DPH6: variants seen among roughly 807,000 people sequenced by gnomAD.
DPH6 encodes diphthine--ammonia ligase.
DPH6 carries 33 observed loss-of-function variants against 38.2 expected under a neutral mutation model. The ratio of observed to expected loss-of-function variants is 0.86; its 90% confidence interval spans 0.65 to 1.15. The LOEUF is 1.15. Ranked by LOEUF, DPH6 falls within the 50% of genes most tolerant of loss-of-function variation. The pLI, the probability that DPH6 is intolerant of heterozygous loss-of-function variation, is 0.00. For synonymous variants in DPH6, 108 were observed against 103.0 expected (o/e 1.05, Z -0.30); for missense variants, 325 against 320.0 (o/e 1.02, Z -0.12).
At chr15:35,254,261 G>A (rs1227673592) in intron 3 of DPH6, among the ~76,000 whole-genome samples, 2 of 152,184 alleles carry the variant, frequency 1.3e-5, no homozygotes, top group Non-Finnish European at 2.9e-5. Context: ...TCAATGGCCT[G>A]TCCCTGAATA....
At chr15:35,273,907 T>G (rs1463874214) in intron 3 of DPH6, among the ~76,000 whole-genome samples, 1 of 152,100 alleles carries the variant, frequency 6.6e-6, no homozygotes, top group Non-Finnish European at 1.5e-5. Context: ...AAAAACTACT[T>G]TAAATTTCAT....
chr15:35,274,268 A>G (rs1051846331), intron 3 of DPH6, among the ~76,000 whole-genome samples: 4 of 152,244 alleles, frequency 2.6e-5, no homozygotes, highest in Non-Finnish European at 5.9e-5. Context: ...TGGATTAAAG[A>G]CTTAAGTGTA....
At chr15:35,302,989 G>C (rs1474440427) in intron 3 of DPH6, among the ~76,000 whole-genome samples, 1 of 152,026 alleles carries the variant, frequency 6.6e-6, no homozygotes, top group African/African-American at 2.4e-5. Flanking sequence ...AAGTGGTCAA[G>C]AAAAACTAGA....
At chr15:35,247,533 T>G (rs2140406476) in intron 3 of DPH6, among the ~76,000 whole-genome samples, 1 of 152,306 alleles carries the variant, frequency 6.6e-6, no homozygotes, top group South Asian at 2.1e-4. Flanking sequence ...ATTTCTTTAC[T>G]TACTGAAAGT....
chr15:35,182,030 A>T, the DPH6 span, among the ~76,000 whole-genome samples: 1 of 152,088 alleles, frequency 6.6e-6, no homozygotes, highest in Non-Finnish European at 1.5e-5. Flanking sequence ...GTGTCACAAT[A>T]AAGTAATACT....
At chr15:35,415,155 T>C (rs1389570399) in intron 5 of DPH6, among the ~76,000 whole-genome samples, 3 of 151,992 alleles carry the variant, frequency 2.0e-5, no homozygotes, top group East Asian at 3.9e-4. Flanking sequence ...TATTCATCTA[T>C]GACTGCCATG....
chr15:35,246,215 C>T (rs2051637061), intron 3 of DPH6, among the ~76,000 whole-genome samples: 1 of 152,226 alleles, frequency 6.6e-6, no homozygotes, highest in Admixed American at 6.5e-5. Context: ...TTACTGCTCA[C>T]ACAAAGCGTG....
chr15:35,249,583 T>C (rs1254445116), intron 3 of DPH6, among the ~76,000 whole-genome samples: 1 of 152,204 alleles, frequency 6.6e-6, no homozygotes, highest in Non-Finnish European at 1.5e-5. Flanking sequence ...ACAGTCTTTA[T>C]ATTGAGAGAC....
chr15:35,410,761 A>C, intron 6 of DPH6, 74 bp downstream of exon 6: 1 of 1,243,786 alleles, frequency 8.0e-7, no homozygotes, highest in Non-Finnish European at 1.1e-6. Flanking sequence ...TAAATTTTTT[A>C]ATCATTGTAT....
intron 3 of DPH6, among the ~76,000 whole-genome samples, chr15:35,304,462 G>C (rs1421516373): frequency 1.3e-5 from 2 of 152,068 alleles, no homozygotes; most frequent in East Asian, 3.8e-4. Context: ...GCAAAGAGAA[G>C]TCCTAAGCTG....
At chr15:35,259,958 A>T (rs2051735277) in intron 3 of DPH6, among the ~76,000 whole-genome samples, 1 of 152,184 alleles carries the variant, frequency 6.6e-6, no homozygotes, top group Admixed American at 6.5e-5. Flanking sequence ...GACCTACATA[A>T]AGCAAGTGCA....
chr15:35,372,469 T>A (rs974473603), intron 8 of DPH6: 2 of 264,820 alleles, frequency 7.6e-6, no homozygotes, highest in Non-Finnish European at 1.4e-5. Context: ...TTTGACTTTG[T>A]GTGTGCGTAC....
the DPH6 span, among the ~76,000 whole-genome samples, chr15:35,212,160 G>A: frequency 6.6e-6 from 1 of 152,308 alleles, no homozygotes; most frequent in Non-Finnish European, 1.5e-5. Context: ...GGTACAGCTT[G>A]GAGATATGAG....
At chr15:35,509,659 A>G (rs1253245601) in intron 3 of DPH6, among the ~76,000 whole-genome samples, 2 of 152,236 alleles carry the variant, frequency 1.3e-5, no homozygotes, top group Admixed American at 6.5e-5. Flanking sequence ...GATTGGAAAT[A>G]TAACTTAAAT....
intron 3 of DPH6, among the ~76,000 whole-genome samples, chr15:35,514,166 A>T (rs1459351696): frequency 6.6e-6 from 1 of 151,848 alleles, no homozygotes; most frequent in African/African-American, 2.4e-5. Flanking sequence ...TTGGCACCTT[A>T]TAACTATGTA....
At chr15:35,492,371 T>C (rs2141175411) in intron 3 of DPH6, among the ~76,000 whole-genome samples, 1 of 152,288 alleles carries the variant, frequency 6.6e-6, no homozygotes, top group Non-Finnish European at 1.5e-5. Flanking sequence ...TAAAGGAAGA[T>C]TATTCATTTA....
At chr15:35,452,720 G>T (rs1461671602) in intron 4 of DPH6, among the ~76,000 whole-genome samples, 1 of 152,064 alleles carries the variant, frequency 6.6e-6, no homozygotes, top group East Asian at 1.9e-4. Flanking sequence ...AATACAAAAA[G>T]AATAAAATGT....
intron 6 of DPH6, among the ~76,000 whole-genome samples, chr15:35,403,682 A>G (rs565174019): frequency 1.3e-5 from 2 of 151,778 alleles, no homozygotes; most frequent in Non-Finnish European, 2.9e-5. Flanking sequence ...TAGTTTTTTC[A>G]TATTTTTTGT....
At chr15:35,413,056 T>C (rs1367853124) in intron 5 of DPH6, among the ~76,000 whole-genome samples, 4 of 151,564 alleles carry the variant, frequency 2.6e-5, no homozygotes, top group Non-Finnish European at 4.4e-5. Context: ...GGGAGGTTGA[T>C]AATGGGGGAG....
Sources: gnomAD v4.1 joint callset for allele counts (sites outside exome capture counted in the v4.1 genomes callset) on GRCh38, gnomAD v4.1.1 for gene constraint, MANE v1.5 for transcripts, NCBI Gene and HGNC (gene_info 2026-07-23, HGNC 2026-07-21) for gene names.